The following KIAA1210 variants were observed in gnomAD, a reference collection of about 807,000 sequenced individuals.
KIAA1210 encodes the protein KIAA1210, also known as acrosomal protein KIAA1210.
KIAA1210 carries 48 observed loss-of-function variants against 78.9 expected under a neutral mutation model. The observed-to-expected ratio is 0.61, with a 90% CI of 0.48 to 0.77. The LOEUF (loss-of-function observed/expected upper bound fraction) is 0.77. KIAA1210 is among the 30% of genes least tolerant of loss of function. KIAA1210 has a pLI of 0.00. For missense variants in KIAA1210, 1,108 were observed against 1,100.0 expected (o/e 1.01, Z -0.10); for synonymous variants, 406 against 404.5 (o/e 1.00, Z -0.04).
chrX:119,090,679 T>C (rs757467390), intron 8 of KIAA1210, among the ~76,000 whole-genome samples: 1 of 110,917 alleles, frequency 9.0e-6, no homozygotes, highest in African/African-American at 3.3e-5. Flanking sequence ...ACAATCCTAG[T>C]TGTTTTTATT....
intron 2 of KIAA1210, among the ~76,000 whole-genome samples, chrX:119,141,786 T>G (rs1411718310): frequency 8.9e-6 from 1 of 111,838 alleles, no homozygotes; most frequent in Admixed American, 9.5e-5. Context: ...AGTCATATAA[T>G]CCCTTCATGC....
chrX:119,097,911 T>C (rs1175670020), intron 6 of KIAA1210, among the ~76,000 whole-genome samples: 1 of 112,080 alleles, frequency 8.9e-6, no homozygotes, highest in African/African-American at 3.2e-5. Flanking sequence ...GCAACTTTCA[T>C]CTATGAATTT....
At chrX:119,125,735 A>ATATATATATATATATATATATTTATTT (rs5903546) in intron 1 of KIAA1210, among the ~76,000 whole-genome samples, 1 of 15,806 alleles carries the variant, frequency 6.3e-5, no homozygotes, top group Non-Finnish European at 1.0e-4. Flanking sequence ...ATATATATAT[A>ATATATATATATATATATATATTTATTT]TTTTTTTTTT....
At position 119,116,409 on chromosome X, in the gene KIAA1210, T is replaced by C. The variant is rs73592492; in HGVS notation, c.230+87A>G. The stretch of plus-strand genomic sequence containing the variant: ...CACAGGTGGGGACTCTTGGTGTCCC[T>C]GGTGATTTGGCTGCCGAAAGGTGAC... On this transcript the variant is annotated intron_variant, in intron 3 of 11. Coordinates refer to ENST00000691062, the MANE Select transcript of KIAA1210 (RefSeq NM_001394962.1). 3,582 of 947,418 alleles carry C rather than the reference T, an allele frequency of 3.8e-3. 82 individuals carry two copies. In the African/African-American group the frequency reaches 0.06, roughly 16 times the overall value. The allele number at this position is 947,418 out of a possible 1,213,427, so 78.1% of individuals were successfully genotyped here.
chrX:119,087,918 T>G lies in KIAA1210; in HGVS notation c.2784A>C (p.Pro928=), dbSNP rs777418773. 1 of 1,211,932 alleles carries G rather than the reference T, an allele frequency of 8.3e-7. No homozygotes were observed. Among genetic ancestry groups the G allele is most frequent in the South Asian group, 1.8e-5 (1 of 57,007 alleles). Residue 928 remains proline (P), a synonymous_variant, in exon 9 of 12, where the codon CCA becomes CCC. Transcript: ENST00000691062. ...FEELYQLSAH[P]ESTTVEEDIS... ...TGTCCTCTTCAACAGTAGTGCTTTCTGGATGTGCAGAGAGTTGATACAGTT... is the reference window on the plus strand; with the variant it reads ...TGTCCTCTTCAACAGTAGTGCTTTCGGGATGTGCAGAGAGTTGATACAGTT...
At chrX:119,093,859 GA>G (rs1178444478) in intron 7 of KIAA1210, 84 bp from the exon 8 acceptor site, 4 of 958,625 alleles carry the variant, frequency 4.2e-6, no homozygotes, top group Middle Eastern at 2.7e-4. Flanking sequence ...AAAGCATCAG[GA>G]AAAAAGTTCT....
At chrX:119,125,596 G>A (rs1269461655) in intron 1 of KIAA1210, among the ~76,000 whole-genome samples, 1 of 99,469 alleles carries the variant, frequency 1.0e-5, no homozygotes, top group Non-Finnish European at 2.0e-5. Flanking sequence ...CCAGGCTGGA[G>A]TGCAGTGGTG....
chrX:119,147,513 C>G (rs1278792413), exon 2 of KIAA1210: 1 of 1,211,501 alleles, frequency 8.3e-7, no homozygotes, highest in Admixed American at 2.2e-5. Context: ...AGCTGACTAG[C>G]ATGATGTGAG....
intron 2 of KIAA1210, among the ~76,000 whole-genome samples, chrX:119,145,414 A>G (rs1929144071): frequency 9.1e-6 from 1 of 109,864 alleles, no homozygotes; most frequent in Non-Finnish European, 1.9e-5. Flanking sequence ...ACATTGCCCA[A>G]TGTCCCCTGG....
chrX:119,116,955 C>T (rs980160781), intron 2 of KIAA1210, among the ~76,000 whole-genome samples: 19 of 112,314 alleles, frequency 1.7e-4, no homozygotes, highest in African/African-American at 2.9e-4. Flanking sequence ...ATTCACTTGC[C>T]TCTCAATTTC....
rs780843836 is a variant in KIAA1210 at position 119,096,536 on chromosome X, C to A, written c.804G>T (p.Met268Ile). The change falls in exon 7 of 12, where the codon ATG becomes ATT. Residue 268 changes from methionine (M) to isoleucine (I), a missense_variant. This residue lies in a region of KIAA1210 where 672 missense variants were observed against 607.1 expected (regional missense o/e 1.11). Coordinates refer to ENST00000691062, the MANE Select transcript of KIAA1210 (RefSeq NM_001394962.1). Reference sequence around the variant, plus strand: ...TCTTTTGTTTGCGGGGATTTAAAGTCATTTTGTGGCGAGCAGCTGAAGAAT... The same window carrying A: ...TCTTTTGTTTGCGGGGATTTAAAGTAATTTTGTGGCGAGCAGCTGAAGAAT... ...CLDSSAARHKMTLNPRKQKKN... is the reference protein window; with the variant it reads ...CLDSSAARHKITLNPRKQKKN... 1.7e-6 allele frequency: 2 copies of A among 1,209,213 alleles called. No individual in the cohort carries two copies. Among genetic ancestry groups the A allele is most frequent in the Non-Finnish European group, 2.2e-6 (2 of 894,809 alleles).
chrX:119,103,191 G>A (rs147985530), intron 6 of KIAA1210, among the ~76,000 whole-genome samples: 27 of 111,467 alleles, frequency 2.4e-4, no homozygotes, highest in African/African-American at 7.8e-4. Flanking sequence ...ATAAAATTTC[G>A]AAATTGTTTC....
At chrX:119,133,675 T>C (rs188425763) in intron 2 of KIAA1210, among the ~76,000 whole-genome samples, 85 of 108,245 alleles carry the variant, frequency 7.9e-4, no homozygotes, top group Non-Finnish European at 7.3e-4. Context: ...TTCTTTCTTT[T>C]TTTTTTTTTT....
rs187750732 is a variant in KIAA1210 at position 119,081,053 on chromosome X, G to A, written c.*276C>T. 1,027 of 180,896 alleles carry A rather than the reference G, an allele frequency of 5.7e-3. 11 individuals carry two copies. Among genetic ancestry groups the A allele is most frequent in the African/African-American group, 0.029 (956 of 32,965 alleles). The allele number at this position is 180,896 out of a possible 1,213,427, so 14.9% of individuals were successfully genotyped here. A position where few individuals can be genotyped will look rare whatever the true frequency, so the allele number is the denominator to read the frequency against. On this transcript the variant is annotated 3_prime_UTR_variant, in exon 12 of 12. Coordinates refer to ENST00000691062, the MANE Select transcript of KIAA1210 (RefSeq NM_001394962.1). ...CTGAGGCGGGCGGATCACGAGGTCA[G>A]GAGATCAAGACCATCCTGGCCAACA...
chrX:119,098,992 C>T (rs1405056379), intron 6 of KIAA1210, among the ~76,000 whole-genome samples: 1 of 111,917 alleles, frequency 8.9e-6, no homozygotes, highest in Non-Finnish European at 1.9e-5. Context: ...GCAAGCTCCT[C>T]TGTTCTCTGT....
chrX:119,137,474 C>T (rs746102526), intron 2 of KIAA1210, among the ~76,000 whole-genome samples: 3 of 112,499 alleles, frequency 2.7e-5, no homozygotes, highest in Admixed American at 9.4e-5. Context: ...CAGCCTTGCC[C>T]GAGTCATAGC....
At chrX:119,132,614 A>G (rs1377190653), upstream of KIAA1210, among the ~76,000 whole-genome samples, 1 of 111,556 alleles carries the variant, frequency 9.0e-6, no homozygotes, top group Non-Finnish European at 1.9e-5. Flanking sequence ...TACCCTCAGG[A>G]CAATGTCTTT....
upstream of KIAA1210, among the ~76,000 whole-genome samples, chrX:119,132,139 T>C (rs1293134073): frequency 1.8e-5 from 2 of 111,434 alleles, no homozygotes; most frequent in Admixed American, 1.9e-4. Context: ...AACCATTCAG[T>C]TTAAAAGATA....
At chrX:119,085,115 C>T (rs1254112415) in intron 10 of KIAA1210, among the ~76,000 whole-genome samples, 5 of 112,243 alleles carry the variant, frequency 4.5e-5, no homozygotes, top group Non-Finnish European at 9.4e-5. Context: ...CTCCTGAGCT[C>T]AAGCAATCCA....
Sources: gnomAD v4.1 joint callset for allele counts (sites outside exome capture counted in the v4.1 genomes callset) on GRCh38, gnomAD v4.1.1 for gene constraint, gnomAD v4.1.1 regional missense constraint, MANE v1.5 for transcripts, NCBI Gene and HGNC (gene_info 2026-07-23, HGNC 2026-07-21) for gene names.